The following ZNF469 variants were observed in gnomAD, a reference collection of about 807,000 sequenced individuals.
ZNF469 encodes the protein zinc finger protein 469.
In ZNF469, 1 loss-of-function variant was observed where a neutral mutation model predicts 1.0. That is an observed-to-expected ratio of 1.00 (90% CI 0.35 to 4.73). The LOEUF is 4.73. Among genes scored for constraint, ZNF469 ranks in the 30% most tolerant of loss-of-function variants. The pLI, the probability that ZNF469 is intolerant of heterozygous loss-of-function variation, is 0.16. For synonymous variants in ZNF469, 2,703 were observed against 2,363.4 expected (o/e 1.14, Z -4.17); for missense variants, 6,100 against 5,356.3 (o/e 1.14, Z -4.33).
the ZNF469 span, among the ~76,000 whole-genome samples, chr16:88,229,656 G>C: frequency 2.4e-5 from 1 of 42,354 alleles, no homozygotes; most frequent in East Asian, 7.8e-4. Context: ...CTGATGTCAC[G>C]CGTGTGGATG....
the ZNF469 span, among the ~76,000 whole-genome samples, chr16:88,114,341 G>A: frequency 7.0e-6 from 1 of 143,682 alleles, no homozygotes; most frequent in Non-Finnish European, 1.5e-5. Context: ...CTCACTGACT[G>A]CGGGGGTCTC....
chr16:88,326,818 C>G, the ZNF469 span, among the ~76,000 whole-genome samples: 751 of 152,348 alleles, frequency 4.9e-3, 3 homozygotes, highest in Middle Eastern at 0.027. Context: ...CTGACCCCCC[C>G]GCTCTTTCCT....
At chr16:88,315,776 G>A in the ZNF469 span, among the ~76,000 whole-genome samples, 1 of 152,228 alleles carries the variant, frequency 6.6e-6, no homozygotes, top group Non-Finnish European at 1.5e-5. Flanking sequence ...TGGTTTCCAA[G>A]ACAAGAGCAG....
the ZNF469 span, among the ~76,000 whole-genome samples, chr16:88,327,816 C>A: frequency 6.6e-6 from 1 of 152,228 alleles, no homozygotes; most frequent in Non-Finnish European, 1.5e-5. Context: ...GCTGACTAGG[C>A]CCGGCTGCTT....
the ZNF469 span, among the ~76,000 whole-genome samples, chr16:88,194,113 C>T: frequency 6.6e-6 from 1 of 152,160 alleles, no homozygotes; most frequent in African/African-American, 2.4e-5. Context: ...TTGGTTTATT[C>T]CCCCCTCCGC....
rs765273961 is a variant in ZNF469, at chr16:88,438,606, C to A, written c.11136C>A (p.Ala3712=). The change falls in exon 3 of 3, where the codon GCC becomes GCA. Residue 3712 remains alanine (A), a synonymous_variant. Coordinates refer to ENST00000565624, the MANE Select transcript of ZNF469 (RefSeq NM_001367624.2). The part of the protein sequence containing the change: ...AVGSLAPGEL[A]RGTENGMKPA... ...GGAGCCTGGCACCCGGGGAGCTGGCCCGTGGCACAGAGAATGGGATGAAGC... is the reference window on the plus strand; with the variant it reads ...GGAGCCTGGCACCCGGGGAGCTGGCACGTGGCACAGAGAATGGGATGAAGC... The A allele has an allele frequency of 1.9e-6, 3 of 1,550,094 alleles. No homozygotes were observed. In the South Asian group the frequency reaches 3.6e-5, roughly 18 times the overall value.
the ZNF469 span, among the ~76,000 whole-genome samples, chr16:88,274,737 G>C: frequency 6.6e-6 from 1 of 152,222 alleles, no homozygotes; most frequent in Admixed American, 6.5e-5. Context: ...CTGCTATTCA[G>C]TTATTAGAGT....
intron 1 of ZNF469, among the ~76,000 whole-genome samples, chr16:88,394,689 C>T (rs748998652): frequency 5.3e-5 from 8 of 152,096 alleles, no homozygotes; most frequent in Non-Finnish European, 1.2e-4. Context: ...TTTTTTTGGC[C>T]CTGAAGGCCA....
the ZNF469 span, among the ~76,000 whole-genome samples, chr16:88,131,042 G>A: frequency 1.2e-4 from 18 of 152,352 alleles, no homozygotes; most frequent in African/African-American, 3.8e-4. Context: ...GCAGCGCGGC[G>A]TTCGCCTGGC....
the ZNF469 span, among the ~76,000 whole-genome samples, chr16:88,327,327 C>T: frequency 6.6e-6 from 1 of 152,232 alleles, no homozygotes; most frequent in African/African-American, 2.4e-5. Context: ...CTGGTCCTCC[C>T]GGCCTCGCCT....
the ZNF469 span, among the ~76,000 whole-genome samples, chr16:88,186,601 C>T: frequency 0.013 from 1,995 of 152,294 alleles, 15 homozygotes; most frequent in Middle Eastern, 0.031. Context: ...AGCACCGAGA[C>T]CTCAGTGTCG....
At chr16:88,155,570 C>T in the ZNF469 span, among the ~76,000 whole-genome samples, 4 of 152,222 alleles carry the variant, frequency 2.6e-5, no homozygotes, top group Non-Finnish European at 5.9e-5. Flanking sequence ...CAAGACGTGG[C>T]CTCTGCCTGT....
At chr16:88,258,381 G>A in the ZNF469 span, among the ~76,000 whole-genome samples, 2 of 152,238 alleles carry the variant, frequency 1.3e-5, no homozygotes, top group South Asian at 4.2e-4. Flanking sequence ...ACTCCCATGA[G>A]ACAGCACAGC....
At chr16:88,294,018 C>T in the ZNF469 span, among the ~76,000 whole-genome samples, 3 of 152,170 alleles carry the variant, frequency 2.0e-5, no homozygotes, top group African/African-American at 7.2e-5. Context: ...CTCCGAGTGC[C>T]AGGACTGTGC....
the ZNF469 span, among the ~76,000 whole-genome samples, chr16:88,365,001 G>T: frequency 2.6e-5 from 4 of 152,140 alleles, no homozygotes; most frequent in African/African-American, 9.7e-5. Flanking sequence ...AAAAAGGCTT[G>T]CACATGTTTC....
At chr16:88,180,068 C>G in the ZNF469 span, among the ~76,000 whole-genome samples, 2 of 152,160 alleles carry the variant, frequency 1.3e-5, no homozygotes. Context: ...AGCAGCTCTG[C>G]CTATGGAGTA....
the ZNF469 span, among the ~76,000 whole-genome samples, chr16:88,185,502 T>C: frequency 6.8e-6 from 1 of 146,938 alleles, no homozygotes; most frequent in Admixed American, 7.0e-5. Flanking sequence ...CTATAATACA[T>C]GCACACATGC....
chr16:88,121,653 G>A, the ZNF469 span, among the ~76,000 whole-genome samples: 179 of 152,226 alleles, frequency 1.2e-3, 1 homozygote, highest in Admixed American at 2.8e-3. Context: ...TTATTCCAAT[G>A]ACCTAAGGAA....
chr16:88,110,822 C>T, the ZNF469 span, among the ~76,000 whole-genome samples: 1 of 152,228 alleles, frequency 6.6e-6, no homozygotes, highest in Non-Finnish European at 1.5e-5. Flanking sequence ...ACGAGGGGCC[C>T]AGGGCAGCAG....
Sources: gnomAD v4.1 joint callset for allele counts (sites outside exome capture counted in the v4.1 genomes callset) on GRCh38, gnomAD v4.1.1 for gene constraint, MANE v1.5 for transcripts, NCBI Gene and HGNC (gene_info 2026-07-23, HGNC 2026-07-21) for gene names.